The following PABPC4L variants were observed in gnomAD, a reference collection of about 807,000 sequenced individuals.
PABPC4L encodes the protein poly(A) binding protein cytoplasmic 4 like, also known as polyadenylate-binding protein 4-like.
For missense variants in PABPC4L, 452 were observed against 451.4 expected, an observed-to-expected ratio of 1.00 and a Z score of -0.01; for synonymous variants, 169 against 164.1, an observed-to-expected ratio of 1.03 and a Z score of -0.23.
At chr4:134,164,135 C>G in the PABPC4L span, among the ~76,000 whole-genome samples, 1 of 147,966 alleles carries the variant, frequency 6.8e-6, no homozygotes, top group Non-Finnish European at 1.5e-5. Flanking sequence ...TAGTGGCGGG[C>G]GCCTGTAGTC....
the PABPC4L span, among the ~76,000 whole-genome samples, chr4:134,032,688 G>T: frequency 6.6e-6 from 1 of 151,680 alleles, no homozygotes; most frequent in Admixed American, 6.6e-5. Flanking sequence ...AATAAGAGGT[G>T]ATTTCTACTT....
the PABPC4L span, among the ~76,000 whole-genome samples, chr4:134,181,634 C>T: frequency 2.6e-5 from 4 of 151,904 alleles, no homozygotes; most frequent in African/African-American, 7.2e-5. Flanking sequence ...ATAGTCTCTG[C>T]CCCAAAGCTC....
At chr4:133,956,171 T>C in the PABPC4L span, among the ~76,000 whole-genome samples, 1 of 152,330 alleles carries the variant, frequency 6.6e-6, no homozygotes, top group East Asian at 1.9e-4. Flanking sequence ...TTTCTTTGAT[T>C]CTATTATTAG....
the PABPC4L span, among the ~76,000 whole-genome samples, chr4:134,098,921 G>A: frequency 6.6e-6 from 1 of 151,784 alleles, no homozygotes; most frequent in Non-Finnish European, 1.5e-5. Context: ...CTGACTGTCG[G>A]AGTTCAGTAC....
the PABPC4L span, among the ~76,000 whole-genome samples, chr4:134,066,417 GT>G: frequency 6.6e-6 from 1 of 152,192 alleles, no homozygotes; most frequent in Admixed American, 6.5e-5. Context: ...TGCTGAAGTT[GT>G]TTATAAAGAC....
the PABPC4L span, among the ~76,000 whole-genome samples, chr4:133,966,133 A>T: frequency 1.3e-5 from 2 of 152,146 alleles, no homozygotes; most frequent in Admixed American, 1.3e-4. Flanking sequence ...AAACAATTCC[A>T]TCAAAAAGTG....
At chr4:134,057,611 C>A in the PABPC4L span, among the ~76,000 whole-genome samples, 1 of 152,066 alleles carries the variant, frequency 6.6e-6, no homozygotes, top group African/African-American at 2.4e-5. Context: ...CCTTTTCTGA[C>A]ACCACCCTGA....
chr4:134,112,296 TAAAAATTGG>T, the PABPC4L span, among the ~76,000 whole-genome samples: 1 of 151,944 alleles, frequency 6.6e-6, no homozygotes, highest in Non-Finnish European at 1.5e-5. Context: ...AAATACTAGT[TAAAAATTGG>T]TTTGCATTTC....
chr4:134,012,995 A>G, the PABPC4L span, among the ~76,000 whole-genome samples: 1 of 152,038 alleles, frequency 6.6e-6, no homozygotes, highest in Non-Finnish European at 1.5e-5. Context: ...CATTGCAGGG[A>G]CACCTCTCTG....
chr4:133,970,086 T>C, the PABPC4L span, among the ~76,000 whole-genome samples: 1 of 147,482 alleles, frequency 6.8e-6, no homozygotes, highest in Non-Finnish European at 1.5e-5. Context: ...ATATATATAT[T>C]TAAAAAATAT....
the PABPC4L span, among the ~76,000 whole-genome samples, chr4:134,009,719 A>G: frequency 6.6e-5 from 10 of 152,048 alleles, no homozygotes; most frequent in African/African-American, 9.7e-5. Flanking sequence ...CAGATGTCAT[A>G]ATAGCATATA....
the PABPC4L span, among the ~76,000 whole-genome samples, chr4:134,175,600 C>T: frequency 6.6e-6 from 1 of 152,014 alleles, no homozygotes; most frequent in Middle Eastern, 3.2e-3. Context: ...AGGCATGTGC[C>T]ATCACGTCTG....
the PABPC4L span, among the ~76,000 whole-genome samples, chr4:134,000,306 T>G: frequency 2.0e-5 from 3 of 152,116 alleles, no homozygotes; most frequent in Non-Finnish European, 2.9e-5. Context: ...TGTAAAATGC[T>G]TAACAGAAAA....
At chr4:134,095,900 G>T in the PABPC4L span, among the ~76,000 whole-genome samples, 6 of 151,928 alleles carry the variant, frequency 3.9e-5, no homozygotes, top group African/African-American at 1.4e-4. Context: ...AGAACTTCCA[G>T]ATCACTCTGG....
At chr4:134,107,791 C>T in the PABPC4L span, among the ~76,000 whole-genome samples, 572 of 151,616 alleles carry the variant, frequency 3.8e-3, 2 homozygotes, top group African/African-American at 0.013. Flanking sequence ...TCCGTGTGTT[C>T]AATTAGTAAG....
At chr4:134,168,416 A>T in the PABPC4L span, among the ~76,000 whole-genome samples, 1 of 151,942 alleles carries the variant, frequency 6.6e-6, no homozygotes, top group Non-Finnish European at 1.5e-5. Flanking sequence ...AATAGTAACA[A>T]TGAGAACAGA....
the PABPC4L span, among the ~76,000 whole-genome samples, chr4:133,979,897 T>G: frequency 6.6e-6 from 1 of 152,334 alleles, no homozygotes; most frequent in Non-Finnish European, 1.5e-5. Context: ...TAATTGATCT[T>G]GTTTTTCCAT....
At chr4:133,998,175 T>C in the PABPC4L span, among the ~76,000 whole-genome samples, 43 of 151,836 alleles carry the variant, frequency 2.8e-4, no homozygotes, top group East Asian at 8.3e-3. Flanking sequence ...GTTATAATTA[T>C]ATTCTCTATT....
the PABPC4L span, among the ~76,000 whole-genome samples, chr4:134,166,319 A>G: frequency 6.6e-6 from 1 of 152,244 alleles, no homozygotes; most frequent in Non-Finnish European, 1.5e-5. Context: ...TAGATGATAG[A>G]TAAATAGATG....
Sources: gnomAD v4.1 joint callset for allele counts (sites outside exome capture counted in the v4.1 genomes callset) on GRCh38, gnomAD v4.1.1 for gene constraint, MANE v1.5 for transcripts, NCBI Gene and HGNC (gene_info 2026-07-23, HGNC 2026-07-21) for gene names.